The following PSMG2 variants were observed in gnomAD, a reference collection of about 807,000 sequenced individuals.
The protein encoded by PSMG2 is proteasome assembly chaperone 2.
PSMG2 carries 21 observed loss-of-function variants against 31.5 expected under a neutral mutation model. That is an observed-to-expected ratio of 0.67 (90% CI 0.47 to 0.96). PSMG2 has a LOEUF of 0.96. Among genes scored for constraint, PSMG2 ranks in the 40% least tolerant of loss-of-function variants. The pLI is 0.00. For synonymous variants in PSMG2, 120 were observed against 110.4 expected (o/e 1.09, Z -0.54); for missense variants, 318 against 321.2 (o/e 0.99, Z 0.08).
At chr18:12,669,122 T>C (rs1287937630) in intron 1 of PSMG2, among the ~76,000 whole-genome samples, 2 of 121,214 alleles carry the variant, frequency 1.6e-5, no homozygotes, top group Non-Finnish European at 3.4e-5. Context: ...CACGGCAACC[T>C]CTTTTTTTTT....
At chr18:12,673,908 C>A (rs1220006370) in intron 1 of PSMG2, among the ~76,000 whole-genome samples, 1 of 151,892 alleles carries the variant, frequency 6.6e-6, no homozygotes, top group Non-Finnish European at 1.5e-5. Context: ...ATAATTTTTT[C>A]AAATTCTGTC....
rs77907473 is a variant in PSMG2 at position 12,690,375 on chromosome 18, A to G, written c.-36-16175A>G. Among the ~76,000 whole-genome samples the G allele has an allele frequency of 8.8e-3, 1,345 of 152,308 alleles. 27 individuals carry two copies. The highest frequency in any genetic ancestry group is 0.03 in the African/African-American group (1,238 of 41,572). ...TACTACACTATACTTATATGAAAGC[A>G]TCTGTATGAGGCTGAATATATACAA... On this transcript the variant is annotated intron_variant, in intron 1 of 6. Coordinates refer to the PSMG2 transcript ENST00000585331.
chr18:12,716,948 CTTTTTTT>C (rs56726339), intron 3 of PSMG2, among the ~76,000 whole-genome samples: 84 of 116,748 alleles, frequency 7.2e-4, no homozygotes, highest in South Asian at 2.3e-3. Context: ...TTTTCTTTTA[CTTTTTTT>C]TTTTTTTTTT....
At chr18:12,672,321 G>A (rs936328429) in intron 1 of PSMG2, among the ~76,000 whole-genome samples, 1 of 151,884 alleles carries the variant, frequency 6.6e-6, no homozygotes, top group Non-Finnish European at 1.5e-5. Context: ...TCACCATGTT[G>A]CCCAGGCTGG....
rs533839259 is a variant in PSMG2 at position 12,664,307 on chromosome 18, G to A, written c.-37+5534G>A. Reference sequence around the variant, plus strand: ...ACCTATAATCCCAGCACTTTGAGAGGCCGAGAAGGGTGGATCACGAGGCCA... The same window carrying A: ...ACCTATAATCCCAGCACTTTGAGAGACCGAGAAGGGTGGATCACGAGGCCA... On this transcript the variant is annotated intron_variant, in intron 1 of 6. Coordinates refer to the PSMG2 transcript ENST00000585331. 2.0e-5 allele frequency among the ~76,000 whole-genome samples: 3 copies of A among 152,264 alleles called. No homozygotes were observed. In the East Asian group the frequency reaches 5.8e-4, roughly 29 times the overall value.
Position 12,706,310 on chromosome 18 carries a change from A to G in PSMG2, c.58-240A>G, listed in dbSNP as rs1598678675. ...GAGACCAGCCTGGCCAACATGGTGA[A>G]ACTCCGTCTCTACTAAAAATACAAA... On this transcript the variant is annotated intron_variant, in intron 1 of 6. Transcript: ENST00000317615. Among the ~76,000 whole-genome samples, 7 of 152,224 alleles carry G rather than the reference A, an allele frequency of 4.6e-5. No individual in the cohort carries two copies. The South Asian group carries it at 1.5e-3, about 32-fold the overall frequency.
At position 12,665,916 on chromosome 18, in the gene PSMG2, T is replaced by C. The variant is rs192358276; in HGVS notation, c.-37+7143T>C. Among the ~76,000 whole-genome samples, 805 of 152,210 alleles carry C rather than the reference T, an allele frequency of 5.3e-3. 3 individuals carry two copies. The highest frequency in any genetic ancestry group is 9.6e-3 in the Admixed American group (146 of 15,270). Reference sequence around the variant, plus strand: ...TTCACCATGTTGGCCAGGCTGGTCTTGAACGCCTGACCCCGTGATCTGCCC... The same window carrying C: ...TTCACCATGTTGGCCAGGCTGGTCTCGAACGCCTGACCCCGTGATCTGCCC... On this transcript the variant is annotated intron_variant, in intron 1 of 6. Coordinates refer to the PSMG2 transcript ENST00000585331.
intron 2 of PSMG2, among the ~76,000 whole-genome samples, chr18:12,712,494 ATC>A (rs1452356670): frequency 6.6e-6 from 1 of 152,232 alleles, no homozygotes. Flanking sequence ...TCAGAAATGA[ATC>A]TGTTCCATAG....
intron 1 of PSMG2, chr18:12,695,355 T>C (rs774624773): frequency 7.3e-7 from 1 of 1,377,768 alleles, no homozygotes; most frequent in South Asian, 1.3e-5. Flanking sequence ...TCTGTGCCTA[T>C]AAACATAAAT....
At chr18:12,701,347 G>A (rs2040143669), upstream of PSMG2, among the ~76,000 whole-genome samples, 2 of 152,082 alleles carry the variant, frequency 1.3e-5, no homozygotes, top group Admixed American at 1.3e-4. Flanking sequence ...CAACCAAAAG[G>A]AATCTTCTGA....
At chr18:12,707,718 T>C (rs1250805277) in intron 2 of PSMG2, among the ~76,000 whole-genome samples, 1 of 152,246 alleles carries the variant, frequency 6.6e-6, no homozygotes, top group Non-Finnish European at 1.5e-5. Context: ...ACTGTTCTGG[T>C]GATCTTTCAG....
chr18:12,703,191 G>T, intron 1 of PSMG2, 27 bp downstream of exon 1: 1 of 1,592,880 alleles, frequency 6.3e-7, no homozygotes, highest in Admixed American at 1.8e-5. Flanking sequence ...GCTCGGGGCT[G>T]CCGCCTCCCG....
intron 1 of PSMG2, among the ~76,000 whole-genome samples, chr18:12,666,727 G>T (rs2038811955): frequency 6.6e-6 from 1 of 150,406 alleles, no homozygotes; most frequent in Admixed American, 6.7e-5. Flanking sequence ...GGAATTACAG[G>T]CTTCAGTCAC....
chr18:12,709,640 A>C (rs1056430989), intron 2 of PSMG2, among the ~76,000 whole-genome samples: 1 of 151,920 alleles, frequency 6.6e-6, no homozygotes, highest in African/African-American at 2.4e-5. Context: ...TTGGGATTAC[A>C]GGTCCACGCC....
At chr18:12,697,374 C>T (rs1568032062) in intron 1 of PSMG2, 1 of 1,611,734 alleles carries the variant, frequency 6.2e-7, no homozygotes, top group South Asian at 1.1e-5. Context: ...TTATTGATAA[C>T]ATTGTTGTTG....
rs762808978 is a variant in PSMG2 at position 12,703,150 on chromosome 18, T to C, written c.43T>C (p.Phe15Leu). 1 of 1,611,576 alleles carries C rather than the reference T, an allele frequency of 6.2e-7. No homozygotes were observed. Among genetic ancestry groups the C allele is most frequent in the Non-Finnish European group, 8.5e-7 (1 of 1,179,258 alleles). The change falls in exon 1 of 7, where the codon TTC becomes CTC. Residue 15 changes from phenylalanine to leucine, a missense_variant. Phe to Leu is a conservative substitution (Grantham distance 22, BLOSUM62 0). Coordinates refer to ENST00000317615, the MANE Select transcript of PSMG2 (RefSeq NM_020232.5). ...GGAGTCGGCCCCCGACCTTGCCGGC[T>C]TCACCCTCCTAATGGTGAGTCTCCA... is the stretch of plus-strand genomic sequence containing the variant. ...CGESAPDLAG[F>L]TLLMPAVSVG... is the part of the protein sequence containing the mutation.
intron 1 of PSMG2, among the ~76,000 whole-genome samples, chr18:12,688,704 T>C (rs2145056833): frequency 6.6e-6 from 1 of 152,324 alleles, no homozygotes; most frequent in East Asian, 1.9e-4. Context: ...TATTTAAATT[T>C]TAATTAAAAT....
intron 1 of PSMG2, chr18:12,697,241 C>T: frequency 6.2e-7 from 1 of 1,613,042 alleles, no homozygotes; most frequent in Non-Finnish European, 8.5e-7. Flanking sequence ...ATAAGTTCCA[C>T]AGTCAGACTG....
At chr18:12,673,357 T>C (rs2038997428) in intron 1 of PSMG2, 2 of 1,599,936 alleles carry the variant, frequency 1.3e-6, no homozygotes, top group Non-Finnish European at 1.7e-6. Flanking sequence ...CTTATATAAA[T>C]ATTGGCCCTA....
Sources: gnomAD v4.1 joint callset for allele counts (sites outside exome capture counted in the v4.1 genomes callset) on GRCh38, gnomAD v4.1.1 for gene constraint, MANE v1.5 for transcripts, NCBI Gene and HGNC (gene_info 2026-07-23, HGNC 2026-07-21) for gene names.